Variants in BAZ2B observed in about 807,000 individuals in gnomAD.
BAZ2B encodes the protein bromodomain adjacent to zinc finger domain 2B, also known as bromodomain adjacent to zinc finger domain protein 2B.
In BAZ2B, 91 loss-of-function variants were observed where a neutral mutation model predicts 246.0. The ratio of observed to expected loss-of-function variants is 0.37; its 90% CI spans 0.31 to 0.44. The LOEUF is 0.44. Among genes scored for constraint, BAZ2B ranks in the 20% least tolerant of loss-of-function variants. The pLI, the probability that BAZ2B is intolerant of heterozygous loss-of-function variation, is 1.00. For missense variants in BAZ2B, 2,332 were observed against 2,533.7 expected, an observed-to-expected ratio of 0.92 and a Z score of 1.71; for synonymous variants, 855 against 860.0, an observed-to-expected ratio of 0.99 and a Z score of 0.10.
At chr2:159,571,271 C>T (rs1009748729) in intron 1 of BAZ2B, among the ~76,000 whole-genome samples, 1 of 151,986 alleles carries the variant, frequency 6.6e-6, no homozygotes, top group South Asian at 2.1e-4. Context: ...CTGTGACATA[C>T]TGAATATTTT....
At position 159,431,041 on chromosome 2, in the gene BAZ2B, C is replaced by T; in HGVS notation, c.2016G>A (p.Leu672=). The change falls in exon 10 of 37, where the codon CTG becomes CTA. Residue 672 remains leucine, a synonymous_variant. Coordinates refer to ENST00000392783, the MANE Select transcript of BAZ2B (RefSeq NM_013450.4). ...DTEGEKTSMK[L]NKTTSSVKSP... ...TTTTGACAGAGGAAGTTGTTTTATT[C>T]AGTTTCATTGAAGTTTTCTCTCCTT... The T allele has an allele frequency of 6.2e-7, 1 of 1,613,968 alleles. No individual in the cohort carries two copies. Among genetic ancestry groups the T allele is most frequent in the Non-Finnish European group, 8.5e-7 (1 of 1,179,894 alleles).
chr2:159,578,145 A>C (rs1185913994), intron 1 of BAZ2B, among the ~76,000 whole-genome samples: 2 of 152,220 alleles, frequency 1.3e-5, no homozygotes, highest in East Asian at 1.9e-4. Context: ...AAGAGTACTA[A>C]ATGAAGACAA....
chr2:159,412,209 A>T lies in BAZ2B; in HGVS notation c.2677+126T>A. 1.9e-5 allele frequency: 20 copies of T among 1,032,910 alleles called. No homozygotes were observed. The Admixed American group carries it at 3.1e-4, about 16-fold the overall frequency. The allele number at this position is 1,032,910 out of a possible 1,614,324, so 64.0% of individuals were successfully genotyped here. A position where few individuals can be genotyped will look rare whatever the true frequency, so the allele number is the denominator to read the frequency against. On this transcript the variant is annotated intron_variant, in intron 14 of 36. Transcript: ENST00000392783. ...GTGGGACTCCTTATTTTTTCATTTT[A>T]TTCTAACACAACTATTTACTTTTTA...
chr2:159,447,550 G>A (rs2074430625), intron 5 of BAZ2B, among the ~76,000 whole-genome samples: 2 of 152,054 alleles, frequency 1.3e-5, no homozygotes, highest in Admixed American at 6.6e-5. Flanking sequence ...ATTTAAAAAA[G>A]TACTAGGTTA....
the BAZ2B span, among the ~76,000 whole-genome samples, chr2:159,634,474 C>T: frequency 6.6e-6 from 1 of 152,170 alleles, no homozygotes; most frequent in Non-Finnish European, 1.5e-5. Context: ...TATCCATTAG[C>T]ATGCACATGT....
chr2:159,628,652 C>T, the BAZ2B span, among the ~76,000 whole-genome samples: 1 of 152,098 alleles, frequency 6.6e-6, no homozygotes, highest in Admixed American at 6.5e-5. Flanking sequence ...TTCCTTACAC[C>T]TTATACAAAA....
At chr2:159,662,266 T>G in the BAZ2B span, among the ~76,000 whole-genome samples, 1 of 152,240 alleles carries the variant, frequency 6.6e-6, no homozygotes, top group Non-Finnish European at 1.5e-5. Flanking sequence ...CTTTCCACCT[T>G]TTGGCAATTG....
chr2:159,512,410 T>TA (rs1191112068), intron 2 of BAZ2B, among the ~76,000 whole-genome samples: 1 of 152,172 alleles, frequency 6.6e-6, no homozygotes, highest in Non-Finnish European at 1.5e-5. Context: ...TTGAACCACT[T>TA]ACGTTCACTT....
chr2:159,658,418 T>C, the BAZ2B span, among the ~76,000 whole-genome samples: 1 of 152,154 alleles, frequency 6.6e-6, no homozygotes, highest in African/African-American at 2.4e-5. Flanking sequence ...ACTGCAACCT[T>C]GATCTCCTGA....
At chr2:159,464,203 T>G (rs754119812) in intron 3 of BAZ2B, 1 of 152,218 alleles carries the variant, frequency 6.6e-6, no homozygotes, top group African/African-American at 2.4e-5. Context: ...TCAGATTTAA[T>G]TAGTTTTCCC....
intron 2 of BAZ2B, among the ~76,000 whole-genome samples, chr2:159,529,124 T>A (rs1000384286): frequency 2.0e-5 from 3 of 151,872 alleles, no homozygotes; most frequent in African/African-American, 7.3e-5. Flanking sequence ...AGTAAAAAAA[T>A]AAAAATATAC....
In BAZ2B at chr2:159,332,596, G is replaced by A; in HGVS notation, c.5887C>T (p.Pro1963Ser). 1.2e-6 allele frequency: 2 copies of A among 1,614,074 alleles called. No individual in the cohort carries two copies. Among genetic ancestry groups the A allele is most frequent in the Non-Finnish European group, 1.7e-6 (2 of 1,179,956 alleles). The part of the protein sequence containing the change: ...DKGCHTYCHR[P>S]KITTIPDGDW... ...CCATCTGGGATTGTTGTAATCTTGG[G>A]TCTATGGCAGTAGGTATGACAGCCT... The change falls in exon 34 of 37, where the codon CCC becomes TCC. Residue 1963 changes from proline to serine, a missense_variant. Physicochemically the swap from Pro to Ser is moderately conservative, Grantham distance 74. This residue lies in a region of BAZ2B where 210 missense variants were observed against 232.5 expected (regional missense o/e 0.90). Coordinates refer to ENST00000392783, the MANE Select transcript of BAZ2B (RefSeq NM_013450.4).
At chr2:159,680,965 G>C in the BAZ2B span, among the ~76,000 whole-genome samples, 16 of 152,146 alleles carry the variant, frequency 1.1e-4, no homozygotes, top group African/African-American at 3.9e-4. Context: ...AAAATCTATT[G>C]GTAGAATGGG....
chr2:159,406,501 C>T (rs375992284), intron 14 of BAZ2B, among the ~76,000 whole-genome samples: 7 of 152,190 alleles, frequency 4.6e-5, no homozygotes, highest in African/African-American at 1.7e-4. Flanking sequence ...ATGTAATATC[C>T]TTGCTTTCTT....
intron 2 of BAZ2B, among the ~76,000 whole-genome samples, chr2:159,495,781 T>G (rs2081048132): frequency 7.5e-6 from 1 of 134,102 alleles, no homozygotes; most frequent in Admixed American, 7.1e-5. Flanking sequence ...ATACTTTTTT[T>G]TTTTTTGAGA....
At chr2:159,361,820 C>T (rs879605247) in intron 27 of BAZ2B, among the ~76,000 whole-genome samples, 1 of 152,076 alleles carries the variant, frequency 6.6e-6, no homozygotes, top group Admixed American at 6.6e-5. Flanking sequence ...ATGGATGAAG[C>T]TGGAAACCAT....
At chr2:159,377,554 C>T (rs541854710) in intron 25 of BAZ2B, among the ~76,000 whole-genome samples, 84 of 152,260 alleles carry the variant, frequency 5.5e-4, no homozygotes, top group Admixed American at 3.7e-3. Flanking sequence ...GTGGCTCATG[C>T]CTGTAATCCC....
chr2:159,380,002 A>G (rs988281362), intron 25 of BAZ2B, among the ~76,000 whole-genome samples: 2 of 147,358 alleles, frequency 1.4e-5, no homozygotes, highest in African/African-American at 5.1e-5. Flanking sequence ...CCCTAAACTC[A>G]TATACATACA....
At chr2:159,565,799 A>T (rs1436893642) in intron 1 of BAZ2B, among the ~76,000 whole-genome samples, 1 of 151,764 alleles carries the variant, frequency 6.6e-6, no homozygotes, top group East Asian at 1.9e-4. Context: ...AAAAGGAAAA[A>T]AAAAAAAGAA....
Sources: allele counts gnomAD v4.1 joint callset (sites outside exome capture counted in the v4.1 genomes callset), GRCh38; gene constraint gnomAD v4.1.1; regional missense constraint gnomAD v4.1.1; transcripts MANE v1.5; gene names NCBI Gene and HGNC (gene_info 2026-07-23, HGNC 2026-07-21).